Variants in CLEC16A observed in about 807,000 individuals in gnomAD.
The protein encoded by CLEC16A is C-type lectin domain containing 16A, also known as protein CLEC16A.
A neutral mutation model predicts 109.5 loss-of-function variants in CLEC16A; 51 were observed. The ratio of observed to expected loss-of-function variants is 0.47; its 90% confidence interval spans 0.37 to 0.59. The LOEUF (loss-of-function observed/expected upper bound fraction) is 0.59. Among genes scored for constraint, CLEC16A ranks in the 20% least tolerant of loss-of-function variants. The pLI is 0.00. For missense variants in CLEC16A, 1,339 were observed against 1,394.0 expected (o/e 0.96, Z 0.63); for synonymous variants, 673 against 564.2 (o/e 1.19, Z -2.73).
At chr16:11,148,371 C>G (rs780775019) in intron 22 of CLEC16A, among the ~76,000 whole-genome samples, 3 of 152,156 alleles carry the variant, frequency 2.0e-5, no homozygotes, top group African/African-American at 7.2e-5. Context: ...TGGTAGAAAC[C>G]TCCACCTCCT....
At chr16:11,073,266 G>A (rs1329641717) in intron 19 of CLEC16A, among the ~76,000 whole-genome samples, 3 of 152,018 alleles carry the variant, frequency 2.0e-5, no homozygotes, top group African/African-American at 7.3e-5. Context: ...GTCCTCATGG[G>A]GTCGCTCCAC....
intron 18 of CLEC16A, among the ~76,000 whole-genome samples, chr16:11,054,936 T>C (rs984342885): frequency 4.7e-5 from 7 of 149,128 alleles, no homozygotes; most frequent in South Asian, 2.1e-4. Context: ...TTCTTTCTTT[T>C]TTTTTTTTTT....
intron 19 of CLEC16A, among the ~76,000 whole-genome samples, chr16:11,093,762 G>A (rs566051692): frequency 8.7e-4 from 132 of 152,306 alleles, no homozygotes; most frequent in African/African-American, 3.0e-3. Context: ...TGCAGAGAAG[G>A]GGCCCTGCTG....
chr16:11,087,265 G>A (rs973276061), intron 19 of CLEC16A, among the ~76,000 whole-genome samples: 1 of 144,672 alleles, frequency 6.9e-6, no homozygotes, highest in Non-Finnish European at 1.5e-5. Flanking sequence ...GACTTGTTAA[G>A]GCTCCCCTGG....
intron 19 of CLEC16A, among the ~76,000 whole-genome samples, chr16:11,088,686 G>C (rs529358046): frequency 2.1e-4 from 32 of 152,290 alleles, no homozygotes; most frequent in Admixed American, 2.0e-3. Flanking sequence ...TGGCACCCCT[G>C]CTCCTTTCAC....
rs1371441752 is a variant in CLEC16A at position 11,027,645 on chromosome 16, C to T, written c.1537+2724C>T. 6 of 1,548,510 alleles carry T rather than the reference C, an allele frequency of 3.9e-6. No homozygotes were observed. In the African/African-American group the frequency reaches 8.1e-5, roughly 21 times the overall value. The stretch of plus-strand genomic sequence containing the variant: ...CCAGGAGATCTCATGGTTCTTGCGC[C>T]CTTTCCACCTCTCAGTGGCCCATCA... On this transcript the variant is annotated intron_variant, in intron 13 of 23. Transcript: ENST00000409790.
chr16:11,176,912 A>G (rs1040327146), intron 23 of CLEC16A, among the ~76,000 whole-genome samples: 4 of 151,786 alleles, frequency 2.6e-5, no homozygotes, highest in Non-Finnish European at 5.9e-5. Context: ...GCCTGCTTTT[A>G]TTTCGTTCTT....
In CLEC16A at chr16:10,961,131, T is replaced by C. The variant is rs1416761061; in HGVS notation, c.210-1324T>C. On this transcript the variant is annotated intron_variant, in intron 2 of 23. Coordinates refer to ENST00000409790, the MANE Select transcript of CLEC16A (RefSeq NM_015226.3). This position sits in a 1 kb window ranked among gnomAD's most constrained non-coding sequence, Gnocchi z 4.3. Reference sequence around the variant, plus strand: ...GGTCACAGTGCGGCAGTGAGTTTGCTGGTGGCCCTTAGGAGTCACTGATTT... The same window carrying C: ...GGTCACAGTGCGGCAGTGAGTTTGCCGGTGGCCCTTAGGAGTCACTGATTT... 6.6e-6 allele frequency among the ~76,000 whole-genome samples: 1 copy of C among 152,202 alleles called. No individual in the cohort carries two copies. Among genetic ancestry groups the C allele is most frequent in the African/African-American group, 2.4e-5 (1 of 41,444 alleles).
chr16:10,944,932 C>CG lies in CLEC16A; in HGVS notation c.80+136dup, dbSNP rs967793584. On this transcript the variant is annotated intron_variant, in intron 1 of 23. Transcript: ENST00000409790. The stretch of plus-strand genomic sequence containing the variant: ...GGGAAGCCCGTGTGGTGGTTAAGAG[C>CG]GAGGGCTCGGGAGTCAGGGCGCCTG... 4.8e-6 allele frequency: 4 copies of CG among 836,350 alleles called. No individual in the cohort carries two copies. In the African/African-American group the frequency reaches 7.0e-5, roughly 15 times the overall value. 51.8% of individuals were successfully genotyped at this position (836,350 alleles called of 1,614,324 possible).
intron 11 of CLEC16A, among the ~76,000 whole-genome samples, chr16:11,008,817 C>A (rs1384713025): frequency 1.4e-5 from 2 of 139,684 alleles, no homozygotes; most frequent in African/African-American, 5.6e-5. Context: ...AGTGACACCC[C>A]GTCTCTACTA....
chr16:11,173,704 C>T (rs574417571), intron 23 of CLEC16A, among the ~76,000 whole-genome samples: 39 of 152,152 alleles, frequency 2.6e-4, no homozygotes, highest in Non-Finnish European at 4.9e-4. Context: ...GTCCTCCAGC[C>T]ACACACCCTG....
In CLEC16A at chr16:11,036,034, C is replaced by G. The variant is rs1567225257; in HGVS notation, c.1538-3720C>G. 2.6e-5 allele frequency: 4 copies of G among 152,616 alleles called. 1 individual carries two copies. In the South Asian group the frequency reaches 6.2e-4, roughly 24 times the overall value. 9.5% of individuals were successfully genotyped at this position (152,616 alleles called of 1,614,324 possible). A position where few individuals can be genotyped will look rare whatever the true frequency, so the allele number is the denominator to read the frequency against. ...TGTGCTGTGTGGAATCACCTCTGCT[C>G]TCTGCCTCCCAGGGCTGGTGGTAAA... On this transcript the variant is annotated intron_variant, in intron 13 of 23. Coordinates refer to ENST00000409790, the MANE Select transcript of CLEC16A (RefSeq NM_015226.3).
chr16:11,163,834 C>G (rs1032519282), intron 22 of CLEC16A, among the ~76,000 whole-genome samples: 1 of 152,200 alleles, frequency 6.6e-6, no homozygotes, highest in Non-Finnish European at 1.5e-5. Context: ...GGCTGGCCCT[C>G]TGTTCATGGC....
intron 19 of CLEC16A, among the ~76,000 whole-genome samples, chr16:11,085,154 A>C (rs898004950): frequency 6.6e-6 from 1 of 152,238 alleles, no homozygotes; most frequent in Non-Finnish European, 1.5e-5. Flanking sequence ...GGCCAGCACC[A>C]AGCACTGGAC....
intron 19 of CLEC16A, among the ~76,000 whole-genome samples, chr16:11,112,583 T>C (rs1366840719): frequency 6.6e-6 from 1 of 151,784 alleles, no homozygotes; most frequent in African/African-American, 2.4e-5. Context: ...GAGGATCGCT[T>C]GGGTGCAAGA....
intron 19 of CLEC16A, among the ~76,000 whole-genome samples, chr16:11,062,842 T>G (rs978821965): frequency 7.9e-6 from 1 of 126,376 alleles, no homozygotes; most frequent in African/African-American, 3.0e-5. Flanking sequence ...CAAAGAATCA[T>G]AAACCAGTCT....
At chr16:11,173,328 T>A (rs1314625615) in intron 23 of CLEC16A, among the ~76,000 whole-genome samples, 1 of 152,210 alleles carries the variant, frequency 6.6e-6, no homozygotes. Context: ...ATTGTAGTGC[T>A]CTATGGCGTC....
chr16:11,116,226 C>T lies in CLEC16A; in HGVS notation c.2117-4389C>T, dbSNP rs1476124134. 3.3e-5 allele frequency among the ~76,000 whole-genome samples: 5 copies of T among 150,002 alleles called. No homozygotes were observed. The East Asian group carries it at 5.9e-4, about 18-fold the overall frequency. On this transcript the variant is annotated intron_variant, in intron 19 of 23. Transcript: ENST00000409790. ...CCAACATGGTGAAACCCTGTCTCTA[C>T]TAAAAATAAAAAAAAAAAAATAGCC...
chr16:10,986,291 A>C (rs1247985595), intron 10 of CLEC16A, among the ~76,000 whole-genome samples: 2 of 151,914 alleles, frequency 1.3e-5, no homozygotes, highest in South Asian at 2.1e-4. Context: ...CAGCCTCCCA[A>C]AGTGCTGAGA....
Sources: allele counts gnomAD v4.1 joint callset (sites outside exome capture counted in the v4.1 genomes callset), GRCh38; gene constraint gnomAD v4.1.1; non-coding constraint Gnocchi (gnomAD v3.1); transcripts MANE v1.5; gene names NCBI Gene and HGNC (gene_info 2026-07-23, HGNC 2026-07-21).